The following MYBPHL variants were observed in gnomAD, a reference collection of about 807,000 sequenced individuals.
MYBPHL encodes the protein myosin binding protein H like.
MYBPHL carries 32 observed loss-of-function variants against 39.5 expected under a neutral mutation model. That is an observed-to-expected ratio of 0.81 (90% confidence interval 0.61 to 1.09). The LOEUF is 1.09. MYBPHL is among the 50% of genes least tolerant of loss of function. The probability of loss-of-function intolerance (pLI) is 0.00; values close to 1 mark genes in which losing one functional copy is unlikely to be tolerated. For missense variants in MYBPHL, 456 were observed against 460.2 expected (o/e 0.99, Z 0.08); for synonymous variants, 196 against 183.7 (o/e 1.07, Z -0.54).
chr1:109,298,960 G>T (rs2101478949), intron 1 of MYBPHL, among the ~76,000 whole-genome samples: 1 of 152,322 alleles, frequency 6.6e-6, no homozygotes, highest in Non-Finnish European at 1.5e-5. Context: ...GTGAGAAGTA[G>T]AGATTAGATG....
chr1:109,305,781 C>T lies in MYBPHL; in HGVS notation c.145+1066G>A, dbSNP rs148274175. ...CTCTCCCATGAGGATAAGAGGCAGA[C>T]AGAGTCTGCTGCACAACCCTATGGA... On this transcript the variant is annotated intron_variant, in intron 1 of 8. Coordinates refer to ENST00000357155, the MANE Select transcript of MYBPHL (RefSeq NM_001010985.3). 3.5e-4 allele frequency among the ~76,000 whole-genome samples: 53 copies of T among 152,376 alleles called. No individual in the cohort carries two copies. In the East Asian group the frequency reaches 7.5e-3, roughly 22 times the overall value.
chr1:109,293,440 G>C (rs1316006799), intron 8 of MYBPHL, among the ~76,000 whole-genome samples: 1 of 152,156 alleles, frequency 6.6e-6, no homozygotes, highest in East Asian at 1.9e-4. Flanking sequence ...TGACAGTATC[G>C]CTTTTAAAAA....
At chr1:109,299,374 T>C (rs1658203577) in intron 1 of MYBPHL, among the ~76,000 whole-genome samples, 2 of 152,276 alleles carry the variant, frequency 1.3e-5, no homozygotes, top group South Asian at 4.1e-4. Flanking sequence ...CACACACTTC[T>C]GTGAAAATAC....
intron 7 of MYBPHL, 110 bp from the exon 8 acceptor site, chr1:109,294,359 G>A (rs1054925299): frequency 9.9e-7 from 1 of 1,009,238 alleles, no homozygotes; most frequent in Non-Finnish European, 1.6e-6. Context: ...GGGAGTCAAT[G>A]GTGCTAATTA....
chr1:109,293,560 A>G (rs1192516849), intron 8 of MYBPHL, among the ~76,000 whole-genome samples: 1 of 151,266 alleles, frequency 6.6e-6, no homozygotes, highest in Admixed American at 6.6e-5. Context: ...TGGTTAACAC[A>G]GTGAAACCCC....
chr1:109,295,430 G>T, intron 6 of MYBPHL, 133 bp from the exon 7 acceptor site: 2 of 740,146 alleles, frequency 2.7e-6, no homozygotes, highest in Non-Finnish European at 4.1e-6. Flanking sequence ...TCCTTATGTT[G>T]TGGGAAGGGT....
chr1:109,296,793 G>T lies in MYBPHL; in HGVS notation c.720C>A (p.Ile240=). 1 of 1,614,088 alleles carries T rather than the reference G, an allele frequency of 6.2e-7. No homozygotes were observed. Among genetic ancestry groups the T allele is most frequent in the Non-Finnish European group, 8.5e-7 (1 of 1,179,998 alleles). Residue 240 remains isoleucine, a synonymous_variant, in exon 5 of 9, where the codon ATC becomes ATA. Transcript: ENST00000357155. ...TAPITTDLAH[I]QKAATVYKTK... is the part of the protein sequence containing the mutation. ...CCATGCCTCCCTTACCTGCTTTCTG[G>T]ATGTGGGCGAGGTCCGTAGTGATGG... is the stretch of plus-strand genomic sequence containing the variant.
intron 1 of MYBPHL, among the ~76,000 whole-genome samples, chr1:109,301,830 C>T (rs942070726): frequency 1.3e-5 from 2 of 152,038 alleles, no homozygotes; most frequent in African/African-American, 2.4e-5. Flanking sequence ...ACCTACCCTA[C>T]TTTTATCCTG....
In MYBPHL at chr1:109,302,867, C is replaced by G. The variant is rs1658341134; in HGVS notation, c.145+3980G>C. Among the ~76,000 whole-genome samples the G allele has an allele frequency of 3.9e-5, 6 of 152,232 alleles. No homozygotes were observed. The South Asian group carries it at 1.2e-3, about 31-fold the overall frequency. On this transcript the variant is annotated intron_variant, in intron 1 of 8. Transcript: ENST00000357155. ...CTCTGAGAAGTGGCTGCCCGGCCAC[C>G]TTTTGCTGGATGGCTACGCGACCAG...
rs754917816 is a variant in MYBPHL at position 109,296,953 on chromosome 1, G to A, written c.571-11C>T. The stretch of plus-strand genomic sequence containing the variant: ...CACCGTGAACCACAGCTGCGGGGCC[G>A]AACATGATGCCAGAAATCAGCCACC... On this transcript the variant is annotated splice_polypyrimidine_tract_variant and intron_variant, in intron 4 of 8. Coordinates refer to ENST00000357155, the MANE Select transcript of MYBPHL (RefSeq NM_001010985.3). 23 of 1,613,858 alleles carry A rather than the reference G, an allele frequency of 1.4e-5. No homozygotes were observed. Among genetic ancestry groups the A allele is most frequent in the African/African-American group, 2.7e-5 (2 of 74,888 alleles).
At chr1:109,299,063 T>C (rs946842544) in intron 1 of MYBPHL, among the ~76,000 whole-genome samples, 6 of 152,186 alleles carry the variant, frequency 3.9e-5, no homozygotes, top group Admixed American at 3.9e-4. Flanking sequence ...TCTCTCCTCT[T>C]GGGATGCCTC....
intron 6 of MYBPHL, 150 bp downstream of exon 6, chr1:109,296,084 C>A: frequency 1.1e-6 from 1 of 944,402 alleles, no homozygotes; most frequent in Non-Finnish European, 1.6e-6. Flanking sequence ...AAGCACCCCC[C>A]CGACTGTTCC....
intron 8 of MYBPHL, chr1:109,292,989 T>G (rs1362160297): frequency 6.6e-6 from 1 of 152,260 alleles, no homozygotes; most frequent in Admixed American, 6.5e-5. Flanking sequence ...AATAATGTGC[T>G]GCTTGGGACC....
Position 109,297,459 on chromosome 1 carries a change from C to G in MYBPHL, c.393G>C (p.Gly131=). 1 of 1,613,086 alleles carries G rather than the reference C, an allele frequency of 6.2e-7. No individual in the cohort carries two copies. The highest frequency in any genetic ancestry group is 8.5e-7 in the Non-Finnish European group (1 of 1,179,970). ...TGTCAATGGTGGCGGTGGCCTCCAG[C>G]CCACCCAGCTGCACGCGGAGTTGGT... ...GRYQLRVQLG[G]LEATATIDIL... is the part of the protein sequence containing the mutation. Residue 131 remains glycine (G), a synonymous_variant, in exon 3 of 9, where the codon GGG becomes GGC. Coordinates refer to ENST00000357155, the MANE Select transcript of MYBPHL (RefSeq NM_001010985.3).
chr1:109,299,883 G>A (rs1022313215), intron 1 of MYBPHL, among the ~76,000 whole-genome samples: 7 of 152,184 alleles, frequency 4.6e-5, no homozygotes, highest in East Asian at 1.9e-4. Context: ...CAGAAGAAGC[G>A]TTTGTGTGAT....
At chr1:109,298,096 T>C in intron 2 of MYBPHL, 73 bp downstream of exon 2, 1 of 1,283,872 alleles carries the variant, frequency 7.8e-7, no homozygotes, top group Non-Finnish European at 1.1e-6. Flanking sequence ...AGCAGGACTC[T>C]TGGTATCTGT....
In MYBPHL at chr1:109,296,388, G is replaced by T. The variant is rs1328217275; in HGVS notation, c.731-18C>A. On this transcript the variant is annotated intron_variant, in intron 5 of 8. Coordinates refer to ENST00000357155, the MANE Select transcript of MYBPHL (RefSeq NM_001010985.3). ...AACAGTAGCTGAGGGCACCAAGAGG[G>T]GCTGGCATGTAGCTTCTGAGATCCC... 1 of 1,613,792 alleles carries T rather than the reference G, an allele frequency of 6.2e-7. No individual in the cohort carries two copies. Among genetic ancestry groups the T allele is most frequent in the Non-Finnish European group, 8.5e-7 (1 of 1,179,964 alleles).
intron 5 of MYBPHL, 52 bp downstream of exon 5, chr1:109,296,731 G>A (rs1658079162): frequency 1.2e-6 from 2 of 1,606,114 alleles, no homozygotes; most frequent in Non-Finnish European, 1.7e-6. Context: ...GAGCCACTGT[G>A]CCCGGCCTAT....
chr1:109,297,124 A>G lies in MYBPHL; in HGVS notation c.496T>C (p.Trp166Arg). Residue 166 changes from tryptophan to arginine, a missense_variant, in exon 4 of 9, where the codon TGG (tryptophan) becomes CGG (arginine). Physicochemically the swap from Trp to Arg is moderately radical, Grantham distance 101. Coordinates refer to ENST00000357155, the MANE Select transcript of MYBPHL (RefSeq NM_001010985.3). ...DVWGFSATLE[W>R]TPPQDTGNTA... Reference sequence around the variant, plus strand: ...TTCCCCGTATCTTGGGGCGGTGTCCATTCCAGTGTAGCGCTGAAGCCCCAA... The same window carrying G: ...TTCCCCGTATCTTGGGGCGGTGTCCGTTCCAGTGTAGCGCTGAAGCCCCAA... 1 of 1,614,094 alleles carries G rather than the reference A, an allele frequency of 6.2e-7. No individual in the cohort carries two copies. Among genetic ancestry groups the G allele is most frequent in the Non-Finnish European group, 8.5e-7 (1 of 1,180,014 alleles).
Sources: gnomAD v4.1 joint callset for allele counts (sites outside exome capture counted in the v4.1 genomes callset) on GRCh38, gnomAD v4.1.1 for gene constraint, MANE v1.5 for transcripts, NCBI Gene and HGNC (gene_info 2026-07-23, HGNC 2026-07-21) for gene names.